Variants in RPS6KL1 observed in about 807,000 individuals in gnomAD.
RPS6KL1 encodes the protein ribosomal protein S6 kinase like 1, also known as ribosomal protein S6 kinase-like 1.
A neutral mutation model predicts 57.0 loss-of-function variants in RPS6KL1; 41 were observed. That is an observed-to-expected ratio of 0.72 (90% CI 0.56 to 0.93). The LOEUF (loss-of-function observed/expected upper bound fraction) is 0.93, where lower values mean the gene tolerates loss of function less well. Ranked by LOEUF, RPS6KL1 falls within the 40% of genes least tolerant of loss-of-function variation. The pLI is 0.00. For missense variants in RPS6KL1, 697 were observed against 727.7 expected (o/e 0.96, Z 0.49); for synonymous variants, 287 against 309.7 (o/e 0.93, Z 0.77).
rs1252159539 is a variant in RPS6KL1 at position 74,918,407 on chromosome 14, G to A, written c.483+106C>T. 5 of 779,632 alleles carry A rather than the reference G, an allele frequency of 6.4e-6. No individual in the cohort carries two copies. The East Asian group carries it at 1.5e-4, about 24-fold the overall frequency. 48.3% of individuals were successfully genotyped at this position (779,632 alleles called of 1,614,324 possible). The stretch of plus-strand genomic sequence containing the variant: ...GCCCACCTCCTCTGGAGGAGTGGGG[G>A]CCACTGCTACAGACCTGCTTTCAGC... On this transcript the variant is annotated intron_variant, in intron 5 of 11. Transcript: ENST00000557413.
At chr14:74,911,677 A>G in intron 6 of RPS6KL1, 117 bp downstream of exon 6, 2 of 998,570 alleles carry the variant, frequency 2.0e-6, no homozygotes, top group East Asian at 5.2e-5. Flanking sequence ...AGGCAGAACA[A>G]CCAGCTTTTG....
chr14:74,911,709 A>T, intron 6 of RPS6KL1, 85 bp downstream of exon 6: 2 of 1,301,440 alleles, frequency 1.5e-6, no homozygotes, highest in Non-Finnish European at 2.2e-6. Flanking sequence ...GCAGGCTTCA[A>T]ATGCAGGTTC....
chr14:74,918,658 G>A, intron 4 of RPS6KL1, 53 bp from the exon 5 acceptor site: 1 of 1,385,774 alleles, frequency 7.2e-7, no homozygotes, highest in Non-Finnish European at 9.8e-7. Context: ...GCCCTCCTTG[G>A]CCATGGCCTT....
At chr14:74,915,750 C>G (rs529992186) in intron 5 of RPS6KL1, among the ~76,000 whole-genome samples, 4 of 152,294 alleles carry the variant, frequency 2.6e-5, no homozygotes, top group Admixed American at 2.6e-4. Flanking sequence ...AGCAGGAAAT[C>G]TGGACTTTTA....
chr14:74,910,366 T>TTTTTTTTTTTAATGA, intron 7 of RPS6KL1: 1 of 433,450 alleles, frequency 2.3e-6, no homozygotes, highest in African/African-American at 2.0e-5. Flanking sequence ...GGGCCCAGCC[T>TTTTTTTTTTTAATGA]TACAAACTGG....
At chr14:74,915,938 G>C (rs548273860) in intron 5 of RPS6KL1, among the ~76,000 whole-genome samples, 1 of 152,170 alleles carries the variant, frequency 6.6e-6, no homozygotes, top group Non-Finnish European at 1.5e-5. Flanking sequence ...GCAAATACCC[G>C]GTGATGTCTC....
rs1272433072 is a variant in RPS6KL1, at chr14:74,904,438, C to T, written c.*2576G>A. The T allele has an allele frequency of 6.6e-6, 1 of 152,192 alleles. No homozygotes were observed. The highest frequency in any genetic ancestry group is 6.5e-5 in the Admixed American group (1 of 15,284). The allele number at this position is 152,192 out of a possible 1,614,324, so 9.4% of individuals were successfully genotyped here. A position where few individuals can be genotyped will look rare whatever the true frequency, so the allele number is the denominator to read the frequency against. ...AGGAATGGCTGGCTCCCTCTTCCCA[C>T]CATGGCCCGAACTAGCGTTTCAGGT... On this transcript the variant is annotated 3_prime_UTR_variant, in exon 12 of 12. Transcript: ENST00000557413.
Position 74,908,955 on chromosome 14 carries a change from G to A in RPS6KL1, c.1361-23C>T, listed in dbSNP as rs368080598. ...CCTCTGTGGGAACAAGAACACAGGT[G>A]TCCCAGCCTCACCTAAGAGGGCCTC... is the stretch of plus-strand genomic sequence containing the variant. On this transcript the variant is annotated intron_variant, in intron 9 of 11. Transcript: ENST00000557413. 1.8e-5 allele frequency: 29 copies of A among 1,607,138 alleles called. No individual in the cohort carries two copies. The African/African-American group carries it at 3.6e-4, about 20-fold the overall frequency.
chr14:74,907,856 CCTT>C (rs761011499), intron 10 of RPS6KL1, among the ~76,000 whole-genome samples: 1 of 152,186 alleles, frequency 6.6e-6, no homozygotes, highest in Non-Finnish European at 1.5e-5. Context: ...GAACTTGTCT[CCTT>C]ATTTTAAAAA....
chr14:74,913,507 G>A (rs1182583191), intron 5 of RPS6KL1, among the ~76,000 whole-genome samples: 2 of 152,144 alleles, frequency 1.3e-5, no homozygotes, highest in African/African-American at 4.8e-5. Context: ...AGTGAGCCTA[G>A]ATCAAGCCAC....
rs955456956 is a variant in RPS6KL1, at chr14:74,905,234, G to A, written c.*1780C>T. On this transcript the variant is annotated 3_prime_UTR_variant, in exon 12 of 12. Coordinates refer to ENST00000557413, the MANE Select transcript of RPS6KL1 (RefSeq NM_031464.5). ...CACAGAAGTTCCAGAAGGGACTTGT[G>A]CTTCATGAAGCGGTGGTTGGAAGTG... The A allele has an allele frequency of 6.6e-6, 1 of 152,188 alleles. No individual in the cohort carries two copies. The highest frequency in any genetic ancestry group is 1.5e-5 in the Non-Finnish European group (1 of 68,036). 9.4% of individuals were successfully genotyped at this position (152,188 alleles called of 1,614,324 possible).
intron 5 of RPS6KL1, among the ~76,000 whole-genome samples, chr14:74,912,329 C>A (rs563710215): frequency 8.5e-5 from 13 of 152,304 alleles, no homozygotes; most frequent in Non-Finnish European, 1.6e-4. Flanking sequence ...AGGCCTCATG[C>A]CACCTGACGG....
At chr14:74,921,583 G>A (rs1223219244) in intron 2 of RPS6KL1, 22 bp from the exon 3 acceptor site, 39 of 1,598,510 alleles carry the variant, frequency 2.4e-5, no homozygotes, top group Non-Finnish European at 3.2e-5. Context: ...AAATGCATTA[G>A]GGAGGACCTA....
In RPS6KL1 at chr14:74,922,229, G is replaced by T. The variant is rs1204416137; in HGVS notation, c.-272C>A. 3.0e-6 allele frequency: 3 copies of T among 986,242 alleles called. No homozygotes were observed. The highest frequency in any genetic ancestry group is 2.4e-6 in the Non-Finnish European group (2 of 830,588). The allele number at this position is 986,242 out of a possible 1,614,324, so 61.1% of individuals were successfully genotyped here. ...GTAGAGCAAGCTTGGTATCCAGTAC[G>T]CATTCAGCACATGGAGGCCACACAC... On this transcript the variant is annotated 5_prime_UTR_variant, in exon 2 of 12. Transcript: ENST00000557413.
chr14:74,918,564 G>A lies in RPS6KL1; in HGVS notation c.432C>T (p.Ser144=). ...SLRLRPIRTL[S]SAVEQLRGCR... ...AGCCCCTCAGCTGCTCCACGGCAGA[G>A]CTCAGCGTGCGAATGGGCCGGAGCC... is the stretch of plus-strand genomic sequence containing the variant. Residue 144 remains serine, a synonymous_variant, in exon 5 of 12, where the codon AGC becomes AGT. Coordinates refer to ENST00000557413, the MANE Select transcript of RPS6KL1 (RefSeq NM_031464.5). 6.5e-7 allele frequency: 1 copy of A among 1,534,556 alleles called. No homozygotes were observed. The highest frequency in any genetic ancestry group is 1.2e-5 in the South Asian group (1 of 83,552).
At chr14:74,921,238 T>TTGCCCCCCCCCCCCCCC in intron 3 of RPS6KL1, 39 bp downstream of exon 3, 1 of 840,184 alleles carries the variant, frequency 1.2e-6, no homozygotes, top group Non-Finnish European at 2.0e-6. Flanking sequence ...CACTGGCCCT[T>TTGCCCCCCCCCCCCCCC]CCCCACCCAC....
chr14:74,911,223 G>A, intron 7 of RPS6KL1, 25 bp downstream of exon 7: 3 of 1,607,950 alleles, frequency 1.9e-6, no homozygotes, highest in South Asian at 2.2e-5. Context: ...CTGGGGAGCT[G>A]ACAGGGGGCC....
At chr14:74,911,592 T>G (rs1367728945) in intron 6 of RPS6KL1, 10 of 505,652 alleles carry the variant, frequency 2.0e-5, no homozygotes, top group Non-Finnish European at 3.0e-5. Context: ...CATGTGTGTT[T>G]GTGTGTATGT....
In RPS6KL1 at chr14:74,921,134, T is replaced by C; in HGVS notation, c.265+143A>G. ...GCTTAATAAGTGCCAGCTATCATTG[T>C]CTTTTATGGAGGCCCTGCAGGCCAG... is the stretch of plus-strand genomic sequence containing the variant. On this transcript the variant is annotated intron_variant, in intron 3 of 11. Coordinates refer to ENST00000557413, the MANE Select transcript of RPS6KL1 (RefSeq NM_031464.5). The C allele has an allele frequency of 1.2e-5, 8 of 685,912 alleles. No individual in the cohort carries two copies. In the Middle Eastern group the frequency reaches 2.8e-3, roughly 243 times the overall value. The allele number at this position is 685,912 out of a possible 1,614,324, so 42.5% of individuals were successfully genotyped here. A position where few individuals can be genotyped will look rare whatever the true frequency, so the allele number is the denominator to read the frequency against.
Sources: gnomAD v4.1 joint callset for allele counts (sites outside exome capture counted in the v4.1 genomes callset) on GRCh38, gnomAD v4.1.1 for gene constraint, MANE v1.5 for transcripts, NCBI Gene and HGNC (gene_info 2026-07-23, HGNC 2026-07-21) for gene names.